VPS26B: variants seen among roughly 807,000 people sequenced by gnomAD.
VPS26B encodes VPS26 retromer complex component B.
Under a neutral mutation model 33.3 loss-of-function variants are expected in VPS26B, and 10 were observed. That is an observed-to-expected ratio of 0.30 (90% confidence interval 0.19 to 0.51). The LOEUF is 0.51. Among genes scored for constraint, VPS26B ranks in the 20% least tolerant of loss-of-function variants. VPS26B has a pLI of 0.98. For synonymous variants in VPS26B, 190 were observed against 176.9 expected (o/e 1.07, Z -0.59); for missense variants, 317 against 452.7 (o/e 0.70, Z 2.72).
chr11:134,239,954 T>C, intron 2 of VPS26B, 37 bp from the exon 3 acceptor site: 1 of 1,613,542 alleles, frequency 6.2e-7, no homozygotes, highest in Non-Finnish European at 8.5e-7. Context: ...ATCTGGAGAC[T>C]GGGAGTGTTT....
Position 134,244,811 on chromosome 11 carries a change from C to A in VPS26B, c.722-127C>A. 1 of 1,337,294 alleles carries A rather than the reference C, an allele frequency of 7.5e-7. No individual in the cohort carries two copies. Among genetic ancestry groups the A allele is most frequent in the Non-Finnish European group, 9.9e-7 (1 of 1,007,272 alleles). The allele number at this position is 1,337,294 out of a possible 1,614,324, so 82.8% of individuals were successfully genotyped here. On this transcript the variant is annotated intron_variant, in intron 4 of 5. Coordinates refer to ENST00000281187, the MANE Select transcript of VPS26B (RefSeq NM_052875.5). This position sits in a 1 kb window ranked among gnomAD's most constrained non-coding sequence, Gnocchi z 4.0. ...CTGCTGGGCAGCAGAGCGACTGCAC[C>A]TTCCCAGAAGGCTGAAGTGCTCGTG...
At chr11:134,238,088 ATGTGGGAAGC>A (rs992190546) in intron 2 of VPS26B, among the ~76,000 whole-genome samples, 35 of 151,908 alleles carry the variant, frequency 2.3e-4, no homozygotes, top group African/African-American at 7.7e-4. Flanking sequence ...CATTAGAATC[ATGTGGGAAGC>A]TTTTTAAAAT....
At position 134,240,338 on chromosome 11, in the gene VPS26B, C is replaced by T. The variant is rs889570674; in HGVS notation, c.545+183C>T. On this transcript the variant is annotated intron_variant, in intron 3 of 5. Coordinates refer to ENST00000281187, the MANE Select transcript of VPS26B (RefSeq NM_052875.5). This position sits in a 1 kb window ranked among gnomAD's most constrained non-coding sequence, Gnocchi z 4.4. ...AGGCCAGCTGCAGCTGGACCGACCA[C>T]GACGTAAACACTTCATTTACCTAAA... Among the ~76,000 whole-genome samples the T allele has an allele frequency of 3.9e-5, 6 of 152,154 alleles. No homozygotes were observed. The highest frequency in any genetic ancestry group is 1.9e-4 in the East Asian group (1 of 5,174).
At position 134,225,152 on chromosome 11, in the gene VPS26B, G is replaced by T; in HGVS notation, c.30G>T (p.Val10=). ...GCTTCTTCGGCTTCGGGCAGAGCGT[G>T]GAGGTGGAAATCCTTCTGAACGATG... MSFFGFGQS[V]EVEILLNDAE... The change falls in exon 1 of 6, where the codon GTG becomes GTT. Residue 10 remains valine (V), a synonymous_variant. Coordinates refer to ENST00000281187, the MANE Select transcript of VPS26B (RefSeq NM_052875.5). 1 of 1,613,052 alleles carries T rather than the reference G, an allele frequency of 6.2e-7. No homozygotes were observed. Among genetic ancestry groups the T allele is most frequent in the Non-Finnish European group, 8.5e-7 (1 of 1,179,246 alleles).
Position 134,240,821 on chromosome 11 carries a change from G to GTGTGTGTA in VPS26B, c.545+667_545+674dup, listed in dbSNP as rs1938712683. On this transcript the variant is annotated intron_variant, in intron 3 of 5. Coordinates refer to ENST00000281187, the MANE Select transcript of VPS26B (RefSeq NM_052875.5). The surrounding 1 kb of genome is among the most constrained non-coding windows in gnomAD (Gnocchi z 4.4). ...TGTGTGTGTGTGTGTGTGTGTGTGT[G>GTGTGTGTA]TGTGTGTAGCCAAGGTTTCATAATG... Among the ~76,000 whole-genome samples the GTGTGTGTA allele has an allele frequency of 6.6e-6, 1 of 150,910 alleles. No homozygotes were observed. Among genetic ancestry groups the GTGTGTGTA allele is most frequent in the African/African-American group, 2.4e-5 (1 of 41,216 alleles).
intron 1 of VPS26B, among the ~76,000 whole-genome samples, chr11:134,231,277 T>A (rs1938551990): frequency 6.6e-6 from 1 of 151,970 alleles, no homozygotes; most frequent in East Asian, 1.9e-4. Flanking sequence ...ATCAAGCCCA[T>A]ACTTTTAAAA....
chr11:134,245,512 A>G lies in VPS26B; in HGVS notation c.933A>G (p.Ser311=). The change falls in exon 6 of 6, where the codon TCA becomes TCG. Residue 311 remains serine, a synonymous_variant. Transcript: ENST00000281187. This position sits in a 1 kb window ranked among gnomAD's most constrained non-coding sequence, Gnocchi z 4.7. ...KSMSHQAAIA[S]QRFEGTTSLG... ...TGTCCCACCAGGCGGCCATCGCCTCACAGCGCTTTGAGGGCACCACCTCCC... is the reference window on the plus strand; with the variant it reads ...TGTCCCACCAGGCGGCCATCGCCTCGCAGCGCTTTGAGGGCACCACCTCCC... 6.2e-7 allele frequency: 1 copy of G among 1,614,014 alleles called. No homozygotes were observed. Among genetic ancestry groups the G allele is most frequent in the South Asian group, 1.1e-5 (1 of 91,084 alleles).
rs1184919296 is a variant in VPS26B at position 134,225,103 on chromosome 11, C to T, written c.-20C>T. ...GCGAGGGAGCGGTCCTTACCGAGAC[C>T]CGCCCGGCCCGGCGGTGCGATGAGC... On this transcript the variant is annotated 5_prime_UTR_variant, in exon 1 of 6. Coordinates refer to ENST00000281187, the MANE Select transcript of VPS26B (RefSeq NM_052875.5). The T allele has an allele frequency of 2.5e-6, 4 of 1,583,020 alleles. No individual in the cohort carries two copies. The highest frequency in any genetic ancestry group is 1.3e-5 in the African/African-American group (1 of 74,410).
chr11:134,240,036 C>G lies in VPS26B; in HGVS notation c.426C>G (p.Val142=). 1 of 1,614,012 alleles carries G rather than the reference C, an allele frequency of 6.2e-7. No homozygotes were observed. The highest frequency in any genetic ancestry group is 2.2e-5 in the East Asian group (1 of 44,894). ...TCAGCCGCCGCCTCAATGATGTTGT[C>G]AAAGAGATGGACATTGTAGTTCACA... The part of the protein sequence containing the change: ...ATISRRLNDV[V]KEMDIVVHTL... The change falls in exon 3 of 6, where the codon GTC becomes GTG. Residue 142 remains valine (V), a synonymous_variant. Coordinates refer to ENST00000281187, the MANE Select transcript of VPS26B (RefSeq NM_052875.5). This position sits in a 1 kb window ranked among gnomAD's most constrained non-coding sequence, Gnocchi z 4.4.
Position 134,224,926 on chromosome 11 carries a change from C to A in VPS26B, c.-197C>A, listed in dbSNP as rs1938407419. On this transcript the variant is annotated 5_prime_UTR_variant, in exon 1 of 6. Transcript: ENST00000281187. ...CGCCGCAGCCCGCAGCCGCCAGCCT[C>A]CCCCGGCCGTGCCCCTCCCCCGTGG... is the stretch of plus-strand genomic sequence containing the variant. The A allele has an allele frequency of 7.8e-6, 2 of 255,850 alleles. No homozygotes were observed. The highest frequency in any genetic ancestry group is 1.4e-5 in the Non-Finnish European group (2 of 143,470). 15.8% of individuals were successfully genotyped at this position (255,850 alleles called of 1,614,324 possible).
rs1207250245 is a variant in VPS26B at position 134,225,030 on chromosome 11, G to C, written c.-93G>C. 1 of 1,221,460 alleles carries C rather than the reference G, an allele frequency of 8.2e-7. No homozygotes were observed. Among genetic ancestry groups the C allele is most frequent in the East Asian group, 3.1e-5 (1 of 32,634 alleles). The allele number at this position is 1,221,460 out of a possible 1,614,324, so 75.7% of individuals were successfully genotyped here. A position where few individuals can be genotyped will look rare whatever the true frequency, so the allele number is the denominator to read the frequency against. ...CCCCGCGGCGGCCGAGCGCGCTCGC[G>C]CATCGGGCCCTCTGGCCTTCTTTAC... is the stretch of plus-strand genomic sequence containing the variant. On this transcript the variant is annotated 5_prime_UTR_variant, in exon 1 of 6. Transcript: ENST00000281187.
At chr11:134,228,976 C>G (rs1295223366) in intron 1 of VPS26B, among the ~76,000 whole-genome samples, 1 of 152,154 alleles carries the variant, frequency 6.6e-6, no homozygotes, top group Non-Finnish European at 1.5e-5. Context: ...CACTTTTATC[C>G]TGTCACTTGC....
rs745422363 is a variant in VPS26B, at chr11:134,245,092, G to T, written c.864+12G>T. ...ACTTCAAGCAGCAGGTGAGGGCCAGGCTCCTCCAGGCCCCGATGCCCTTGG... is the reference window on the plus strand; with the variant it reads ...ACTTCAAGCAGCAGGTGAGGGCCAGTCTCCTCCAGGCCCCGATGCCCTTGG... On this transcript the variant is annotated intron_variant, in intron 5 of 5. Coordinates refer to ENST00000281187, the MANE Select transcript of VPS26B (RefSeq NM_052875.5). The surrounding 1 kb of genome is among the most constrained non-coding windows in gnomAD (Gnocchi z 4.7). The T allele has an allele frequency of 4.3e-5, 69 of 1,613,510 alleles. No individual in the cohort carries two copies. The highest frequency in any genetic ancestry group is 3.3e-4 in the Middle Eastern group (2 of 6,078).
At position 134,244,662 on chromosome 11, in the gene VPS26B, A is replaced by G; in HGVS notation, c.722-276A>G. 2.9e-6 allele frequency: 1 copy of G among 343,966 alleles called. No homozygotes were observed. Among genetic ancestry groups the G allele is most frequent in the Non-Finnish European group, 5.3e-6 (1 of 190,374 alleles). The allele number at this position is 343,966 out of a possible 1,614,324, so 21.3% of individuals were successfully genotyped here. Reference sequence around the variant, plus strand: ...ACTAAACACACTGCATGTAATCAAAAGATGCTTATACTAATAATGACCTGT... The same window carrying G: ...ACTAAACACACTGCATGTAATCAAAGGATGCTTATACTAATAATGACCTGT... On this transcript the variant is annotated intron_variant, in intron 4 of 5. Transcript: ENST00000281187. The surrounding 1 kb of genome is among the most constrained non-coding windows in gnomAD (Gnocchi z 4.0).
At chr11:134,243,426 G>T in intron 4 of VPS26B, 132 bp downstream of exon 4, 1 of 1,116,550 alleles carries the variant, frequency 9.0e-7, no homozygotes, top group Non-Finnish European at 1.2e-6. Context: ...TAATCTCTCA[G>T]TTTACACCGT....
At chr11:134,235,137 A>T (rs754590988) in intron 2 of VPS26B, 84 bp downstream of exon 2, 23 of 1,481,864 alleles carry the variant, frequency 1.6e-5, no homozygotes, top group Non-Finnish European at 1.9e-5. Flanking sequence ...CACTTTGAGA[A>T]TCTTCACAGG....
At chr11:134,230,253 A>G (rs537661919) in intron 1 of VPS26B, among the ~76,000 whole-genome samples, 4 of 152,382 alleles carry the variant, frequency 2.6e-5, no homozygotes, top group African/African-American at 7.2e-5. Flanking sequence ...TCATTAGTGC[A>G]GTGGCTAGCA....
At chr11:134,236,618 G>T (rs1035117178) in intron 2 of VPS26B, 24 of 152,256 alleles carry the variant, frequency 1.6e-4, no homozygotes, top group African/African-American at 5.3e-4. Flanking sequence ...ACAGTGGACT[G>T]TTATACAGCC....
intron 1 of VPS26B, among the ~76,000 whole-genome samples, chr11:134,226,514 C>A (rs1344961612): frequency 6.6e-6 from 1 of 152,132 alleles, no homozygotes; most frequent in Non-Finnish European, 1.5e-5. Context: ...AATTCTAAGC[C>A]TTATTTAGAC....
Sources: allele counts gnomAD v4.1 joint callset (sites outside exome capture counted in the v4.1 genomes callset), GRCh38; gene constraint gnomAD v4.1.1; non-coding constraint Gnocchi (gnomAD v3.1); transcripts MANE v1.5; gene names NCBI Gene and HGNC (gene_info 2026-07-23, HGNC 2026-07-21).